SPON1: variants seen among roughly 807,000 people sequenced by gnomAD.
The protein encoded by SPON1 is spondin 1.
Under a neutral mutation model 111.7 loss-of-function variants are expected in SPON1, and 52 were observed. That is an observed-to-expected ratio of 0.47 (90% CI 0.37 to 0.59). The LOEUF (loss-of-function observed/expected upper bound fraction) is 0.59. SPON1 is among the 20% of genes least tolerant of loss of function. The pLI is 0.00. For missense variants in SPON1, 957 were observed against 1,068.5 expected (o/e 0.90, Z 1.46); for synonymous variants, 410 against 395.8 (o/e 1.04, Z -0.43).
intron 6 of SPON1, among the ~76,000 whole-genome samples, chr11:14,184,570 A>G (rs1255897359): frequency 1.3e-5 from 2 of 152,158 alleles, no homozygotes; most frequent in African/African-American, 4.8e-5. Flanking sequence ...AGCCAGGCAG[A>G]GAAAGTAAAT....
chr11:14,258,788 G>A (rs1295411651), intron 11 of SPON1, among the ~76,000 whole-genome samples: 8 of 152,212 alleles, frequency 5.3e-5, no homozygotes, highest in African/African-American at 1.2e-4. Context: ...AACCCTCCCC[G>A]TAGACTAAGT....
intron 13 of SPON1, 50 bp from the exon 14 acceptor site, chr11:14,260,538 C>A (rs782669028): frequency 1.3e-6 from 2 of 1,578,370 alleles, no homozygotes; most frequent in African/African-American, 1.3e-5. Context: ...GGGAGATCAA[C>A]GAAAACAAAA....
At chr11:14,224,142 G>A (rs11023150) in intron 6 of SPON1, among the ~76,000 whole-genome samples, 53,212 of 152,004 alleles carry the variant, frequency 0.35, 9,529 homozygotes, top group East Asian at 0.51. Context: ...TCCTGTACTA[G>A]ACAGTGGGGA....
chr11:14,246,320 T>C (rs1554940251), intron 7 of SPON1, among the ~76,000 whole-genome samples: 1 of 152,188 alleles, frequency 6.6e-6, no homozygotes, highest in African/African-American at 2.4e-5. Context: ...ATTATCCCTT[T>C]TAATCCTAAT....
At chr11:14,087,987 A>C (rs1373825933) in intron 5 of SPON1, among the ~76,000 whole-genome samples, 1 of 152,030 alleles carries the variant, frequency 6.6e-6, no homozygotes, top group Non-Finnish European at 1.5e-5. Flanking sequence ...TGCTTGGTAA[A>C]TATTCCTCCA....
intron 6 of SPON1, among the ~76,000 whole-genome samples, chr11:14,150,881 T>C (rs1399797053): frequency 6.6e-6 from 1 of 152,212 alleles, no homozygotes; most frequent in African/African-American, 2.4e-5. Context: ...CTTTTCTGGA[T>C]TCTCAGTAGA....
intron 5 of SPON1, among the ~76,000 whole-genome samples, chr11:14,082,368 G>T (rs1273043177): frequency 6.6e-6 from 1 of 152,172 alleles, no homozygotes; most frequent in Non-Finnish European, 1.5e-5. Flanking sequence ...CTAATTTTTG[G>T]TTGGAAAAAT....
chr11:14,154,384 C>T (rs567630713), intron 6 of SPON1, among the ~76,000 whole-genome samples: 1 of 152,346 alleles, frequency 6.6e-6, no homozygotes, highest in South Asian at 2.1e-4. Context: ...AGGCTTAACA[C>T]TGTGTGGAAG....
At chr11:14,004,534 T>A (rs1228466471) in intron 2 of SPON1, among the ~76,000 whole-genome samples, 1 of 152,182 alleles carries the variant, frequency 6.6e-6, no homozygotes, top group African/African-American at 2.4e-5. Flanking sequence ...TCCTTATGGA[T>A]GTGAGATAAT....
chr11:14,037,252 C>T (rs1267809929), intron 2 of SPON1, among the ~76,000 whole-genome samples: 10 of 151,870 alleles, frequency 6.6e-5, no homozygotes, highest in African/African-American at 2.4e-4. Context: ...TTTGAATGTG[C>T]TTAAAAGACA....
chr11:14,017,408 G>GT (rs1399975874), intron 2 of SPON1, among the ~76,000 whole-genome samples: 3 of 152,154 alleles, frequency 2.0e-5, no homozygotes, highest in Non-Finnish European at 4.4e-5. Flanking sequence ...AATTAGCTTA[G>GT]TTTTTTAGTA....
intron 2 of SPON1, among the ~76,000 whole-genome samples, chr11:14,003,768 C>T (rs538670827): frequency 6.6e-6 from 1 of 152,126 alleles, no homozygotes; most frequent in Non-Finnish European, 1.5e-5. Flanking sequence ...GGTTAACATC[C>T]ATCATTGCAC....
At chr11:14,234,369 C>T (rs1252872456) in intron 6 of SPON1, among the ~76,000 whole-genome samples, 4 of 152,042 alleles carry the variant, frequency 2.6e-5, no homozygotes, top group East Asian at 1.9e-4. Flanking sequence ...GATGGGGAGG[C>T]GGACCACGGA....
At chr11:14,042,880 C>T (rs797035821) in intron 3 of SPON1, among the ~76,000 whole-genome samples, 3 of 152,154 alleles carry the variant, frequency 2.0e-5, no homozygotes, top group Non-Finnish European at 4.4e-5. Context: ...CAGACTCACC[C>T]GTCATTGTCT....
intron 3 of SPON1, among the ~76,000 whole-genome samples, chr11:14,065,737 GGA>G (rs1848827689): frequency 6.6e-6 from 1 of 152,212 alleles, no homozygotes; most frequent in African/African-American, 2.4e-5. Flanking sequence ...TGTGGGGTCA[GGA>G]ACCCCTTTGA....
chr11:14,255,629 C>T lies in SPON1; in HGVS notation c.1093-18C>T. The T allele has an allele frequency of 6.2e-7, 1 of 1,612,580 alleles. No individual in the cohort carries two copies. The highest frequency in any genetic ancestry group is 1.3e-5 in the African/African-American group (1 of 75,008). ...CAATTTTATTTCTTACTCTCTACCT[C>T]TGTATGTTTTCTTGCAGTCACCCAA... On this transcript the variant is annotated intron_variant, in intron 8 of 15. Transcript: ENST00000576479.
intron 6 of SPON1, among the ~76,000 whole-genome samples, chr11:14,142,317 G>A (rs782316815): frequency 1.3e-5 from 2 of 152,122 alleles, no homozygotes; most frequent in East Asian, 1.9e-4. Flanking sequence ...GTTCAAGTTC[G>A]TGTCATTTCT....
chr11:14,262,513 A>G (rs1564944604), intron 14 of SPON1, 199 bp from the exon 15 acceptor site: 1 of 654,316 alleles, frequency 1.5e-6, no homozygotes, highest in Admixed American at 2.8e-5. Context: ...CCTGGCACCA[A>G]TCCTGCCTCT....
chr11:14,078,459 AT>A (rs1313830533), intron 4 of SPON1, among the ~76,000 whole-genome samples: 71 of 150,450 alleles, frequency 4.7e-4, no homozygotes, highest in African/African-American at 1.2e-3. Flanking sequence ...TAGGGAGGCA[AT>A]TTTTTTTTTA....
Sources: allele counts gnomAD v4.1 joint callset (sites outside exome capture counted in the v4.1 genomes callset), GRCh38; gene constraint gnomAD v4.1.1; transcripts MANE v1.5; gene names NCBI Gene and HGNC (gene_info 2026-07-23, HGNC 2026-07-21).